Variants in PLGRKT observed in about 807,000 individuals in gnomAD.
PLGRKT encodes the protein plasminogen receptor with a C-terminal lysine, also known as plasminogen receptor (KT).
In PLGRKT, 22 loss-of-function variants were observed where a neutral mutation model predicts 18.5. The ratio of observed to expected loss-of-function variants is 1.19; its 90% CI spans 0.85 to 1.70. The LOEUF (loss-of-function observed/expected upper bound fraction) is 1.70. PLGRKT is among the 40% of genes most tolerant of loss of function. PLGRKT has a pLI of 0.00. For missense variants in PLGRKT, 235 were observed against 174.4 expected (o/e 1.35, Z -1.96); for synonymous variants, 72 against 52.8 (o/e 1.36, Z -1.58).
chr9:5,408,341 G>C (rs1003879256), intron 3 of PLGRKT, among the ~76,000 whole-genome samples: 2 of 152,202 alleles, frequency 1.3e-5, no homozygotes, highest in Non-Finnish European at 2.9e-5. Context: ...CCTATGGGAA[G>C]CGGAGCAGTC....
intron 3 of PLGRKT, among the ~76,000 whole-genome samples, chr9:5,374,911 T>A (rs1485551053): frequency 1.3e-5 from 2 of 152,186 alleles, no homozygotes; most frequent in Non-Finnish European, 2.9e-5. Context: ...CATGCTATTA[T>A]GTTCTGATTT....
Position 5,418,508 on chromosome 9 carries a change from G to A in PLGRKT, c.81+13389C>T, listed in dbSNP as rs10815215. 230,593 of 1,047,156 alleles carry A rather than the reference G, an allele frequency of 0.22. 28,788 individuals carry two copies. The highest frequency in any genetic ancestry group is 0.26 in the South Asian group (20,943 of 79,606). The allele number at this position is 1,047,156 out of a possible 1,614,324, so 64.9% of individuals were successfully genotyped here. ...CACATGGAGCTTTTCACCATGCCCC[G>A]CCTGTCCTGCTCCTCCTCCGCCACC... On this transcript the variant is annotated intron_variant, in intron 3 of 5. Transcript: ENST00000223864. This position sits in a 1 kb window ranked among gnomAD's most constrained non-coding sequence, Gnocchi z 4.2.
intron 3 of PLGRKT, among the ~76,000 whole-genome samples, chr9:5,426,041 TA>T (rs1203588143): frequency 3.3e-5 from 5 of 152,206 alleles, no homozygotes; most frequent in Non-Finnish European, 2.9e-5. Flanking sequence ...GAATCTTTTT[TA>T]AAACTTCATC....
chr9:5,436,905 G>T lies in PLGRKT; in HGVS notation c.-132-211C>A, dbSNP rs371313154. On this transcript the variant is annotated intron_variant, in intron 1 of 5. Transcript: ENST00000223864. ...TAAGCAAAATTGACCTTGCAATAGGGATAACTTTGATTTCACTCACTTGTA... is the reference window on the plus strand; with the variant it reads ...TAAGCAAAATTGACCTTGCAATAGGTATAACTTTGATTTCACTCACTTGTA... 3.3e-5 allele frequency among the ~76,000 whole-genome samples: 5 copies of T among 152,216 alleles called. No individual in the cohort carries two copies. The South Asian group carries it at 1.0e-3, about 32-fold the overall frequency.
intron 3 of PLGRKT, among the ~76,000 whole-genome samples, chr9:5,398,339 A>C (rs1274377084): frequency 6.6e-6 from 1 of 152,080 alleles, no homozygotes. Context: ...TTTTAATCAC[A>C]GATGAAAAGT....
chr9:5,367,358 A>T (rs549137716), intron 3 of PLGRKT, among the ~76,000 whole-genome samples: 1 of 152,264 alleles, frequency 6.6e-6, no homozygotes, highest in Middle Eastern at 3.4e-3. Flanking sequence ...GGCTATAATA[A>T]CCAAAACAGC....
At chr9:5,400,636 T>C (rs754002716) in intron 3 of PLGRKT, among the ~76,000 whole-genome samples, 10 of 151,976 alleles carry the variant, frequency 6.6e-5, no homozygotes, top group Non-Finnish European at 1.3e-4. Flanking sequence ...GTAAAATAAT[T>C]TGAACCACCA....
chr9:5,421,201 A>G (rs1818569425), intron 3 of PLGRKT, among the ~76,000 whole-genome samples: 2 of 152,174 alleles, frequency 1.3e-5, no homozygotes, highest in South Asian at 4.2e-4. Context: ...TGTTCTTCCA[A>G]CTCACCACGA....
intron 3 of PLGRKT, among the ~76,000 whole-genome samples, chr9:5,406,483 A>T (rs564277105): frequency 5.6e-4 from 86 of 152,276 alleles, no homozygotes; most frequent in African/African-American, 1.9e-3. Flanking sequence ...GCTGGAAGCC[A>T]TTATCCTCAA....
At chr9:5,375,939 A>G (rs528217751) in intron 3 of PLGRKT, among the ~76,000 whole-genome samples, 1 of 152,378 alleles carries the variant, frequency 6.6e-6, no homozygotes, top group Non-Finnish European at 1.5e-5. Context: ...GCCAAAAGGT[A>G]GAAGCAACCC....
intron 5 of PLGRKT, 44 bp from the exon 6 acceptor site, chr9:5,358,404 C>T (rs1817186191): frequency 6.3e-7 from 1 of 1,597,628 alleles, no homozygotes; most frequent in African/African-American, 1.3e-5. Context: ...AAGGGGTCAT[C>T]AGCAATTTGT....
intron 3 of PLGRKT, among the ~76,000 whole-genome samples, chr9:5,368,483 A>C (rs1276037794): frequency 2.0e-5 from 3 of 152,228 alleles, no homozygotes; most frequent in African/African-American, 7.2e-5. Flanking sequence ...ACAAAGGAAC[A>C]GGAAGCCAAA....
At chr9:5,431,370 T>A (rs549916088) in intron 3 of PLGRKT, among the ~76,000 whole-genome samples, 1 of 151,784 alleles carries the variant, frequency 6.6e-6, no homozygotes, top group South Asian at 2.1e-4. Flanking sequence ...CTTGTCTCTA[T>A]TAAAAATACA....
chr9:5,411,561 C>T (rs1007742299), intron 3 of PLGRKT, among the ~76,000 whole-genome samples: 1 of 152,046 alleles, frequency 6.6e-6, no homozygotes, highest in Non-Finnish European at 1.5e-5. Context: ...GAGTCAGGTT[C>T]GGACACAGGT....
Position 5,418,359 on chromosome 9 carries a change from C to A in PLGRKT, c.81+13538G>T, listed in dbSNP as rs1164793227. On this transcript the variant is annotated intron_variant, in intron 3 of 5. Coordinates refer to ENST00000223864, the MANE Select transcript of PLGRKT (RefSeq NM_018465.4). This position sits in a 1 kb window ranked among gnomAD's most constrained non-coding sequence, Gnocchi z 4.2. ...TTGGCACCCACAAGAGACTTCCCTG[C>A]AGCCCTCTCCAGCCACAAGATGTCA... 9.8e-6 allele frequency: 7 copies of A among 711,552 alleles called. No individual in the cohort carries two copies. The highest frequency in any genetic ancestry group is 1.6e-5 in the South Asian group (1 of 64,114). The allele number at this position is 711,552 out of a possible 1,614,324, so 44.1% of individuals were successfully genotyped here.
chr9:5,390,394 G>C (rs1348317310), intron 3 of PLGRKT, among the ~76,000 whole-genome samples: 1 of 151,718 alleles, frequency 6.6e-6, no homozygotes, highest in Non-Finnish European at 1.5e-5. Context: ...AAGATCACAG[G>C]AGAGGCCAAA....
At chr9:5,369,272 T>C (rs1047081387) in intron 3 of PLGRKT, among the ~76,000 whole-genome samples, 1 of 151,852 alleles carries the variant, frequency 6.6e-6, no homozygotes, top group South Asian at 2.1e-4. Context: ...AAGAACTCCA[T>C]CAAAAAGTGG....
intron 3 of PLGRKT, among the ~76,000 whole-genome samples, chr9:5,379,894 T>C (rs1051388770): frequency 1.3e-5 from 2 of 152,220 alleles, no homozygotes; most frequent in East Asian, 1.9e-4. Flanking sequence ...AATAATTTCA[T>C]GTCCGGGAAG....
At chr9:5,359,813 T>C (rs147601254) in intron 5 of PLGRKT, among the ~76,000 whole-genome samples, 1 of 152,222 alleles carries the variant, frequency 6.6e-6, no homozygotes, top group African/African-American at 2.4e-5. Context: ...AGCAGCAGTA[T>C]GCTGGTGAAT....
Sources: gnomAD v4.1 joint callset for allele counts (sites outside exome capture counted in the v4.1 genomes callset) on GRCh38, gnomAD v4.1.1 for gene constraint, Gnocchi (gnomAD v3.1) non-coding constraint, MANE v1.5 for transcripts, NCBI Gene and HGNC (gene_info 2026-07-23, HGNC 2026-07-21) for gene names.